Variants in WDR72 observed in about 807,000 individuals in gnomAD.
WDR72 encodes WD repeat-containing protein 72.
WDR72 carries 120 observed loss-of-function variants against 124.2 expected under a neutral mutation model. That is an observed-to-expected ratio of 0.97 (90% CI 0.83 to 1.12). The LOEUF (loss-of-function observed/expected upper bound fraction) is 1.12. Ranked by LOEUF, WDR72 falls within the 50% of genes most tolerant of loss-of-function variation. WDR72 has a pLI of 0.00. For missense variants in WDR72, 1,387 were observed against 1,278.8 expected, an observed-to-expected ratio of 1.08 and a Z score of -1.29; for synonymous variants, 452 against 441.7, an observed-to-expected ratio of 1.02 and a Z score of -0.29.
intron 14 of WDR72, among the ~76,000 whole-genome samples, chr15:53,635,304 C>T (rs916021463): frequency 1.3e-5 from 2 of 152,138 alleles, no homozygotes; most frequent in African/African-American, 4.8e-5. Context: ...ACAGCTTTTG[C>T]CTATATGACT....
At chr15:53,549,287 T>C (rs1893625536) in intron 18 of WDR72, among the ~76,000 whole-genome samples, 1 of 152,194 alleles carries the variant, frequency 6.6e-6, no homozygotes, top group Non-Finnish European at 1.5e-5. Context: ...GCTGGGCTGA[T>C]ACACAGTTCT....
At chr15:53,637,823 C>T (rs1322613174) in intron 14 of WDR72, among the ~76,000 whole-genome samples, 1 of 152,166 alleles carries the variant, frequency 6.6e-6, no homozygotes, top group Non-Finnish European at 1.5e-5. Flanking sequence ...TAGCCTTAGG[C>T]ATTCACAGAA....
intron 14 of WDR72, among the ~76,000 whole-genome samples, chr15:53,657,263 C>CAAAAAAAAAAAAAAAAAAAAAAA (rs10549551): frequency 8.9e-5 from 5 of 56,406 alleles, no homozygotes; most frequent in South Asian, 1.1e-3. Context: ...GACTCCATCT[C>CAAAAAAAAAAAAAAAAAAAAAAA]AAAAAAAAAA....
chr15:53,733,261 G>A, intron 1 of WDR72, 100 bp from the exon 2 acceptor site: 6 of 1,284,064 alleles, frequency 4.7e-6, no homozygotes, highest in Non-Finnish European at 6.6e-6. Flanking sequence ...AAACTTCAAT[G>A]ATGTGTTCTC....
chr15:53,537,052 G>A (rs1398291404), intron 18 of WDR72, among the ~76,000 whole-genome samples: 3 of 152,094 alleles, frequency 2.0e-5, no homozygotes, highest in South Asian at 2.1e-4. Context: ...GTGTAATTGC[G>A]GGTTACACAG....
At chr15:53,749,266 G>A (rs938000298) in intron 1 of WDR72, among the ~76,000 whole-genome samples, 23 of 152,124 alleles carry the variant, frequency 1.5e-4, no homozygotes, top group Non-Finnish European at 2.2e-4. Flanking sequence ...TCATGTCTCC[G>A]TATCACATTT....
intron 18 of WDR72, among the ~76,000 whole-genome samples, chr15:53,590,242 A>G (rs1441629206): frequency 6.6e-6 from 1 of 152,004 alleles, no homozygotes; most frequent in Non-Finnish European, 1.5e-5. Flanking sequence ...TTCAACTCGT[A>G]TGTGTATGCC....
chr15:53,732,363 G>C (rs1415701727), intron 2 of WDR72, among the ~76,000 whole-genome samples: 1 of 152,166 alleles, frequency 6.6e-6, no homozygotes, highest in African/African-American at 2.4e-5. Context: ...ATTGGGTCTA[G>C]AGACTGCTAG....
intron 9 of WDR72, among the ~76,000 whole-genome samples, chr15:53,710,118 C>G (rs1365825906): frequency 1.3e-5 from 2 of 152,178 alleles, no homozygotes; most frequent in Non-Finnish European, 2.9e-5. Context: ...TTTATATTCT[C>G]AACTCTCTGC....
intron 18 of WDR72, among the ~76,000 whole-genome samples, chr15:53,563,128 C>G (rs1894182044): frequency 6.6e-6 from 1 of 151,688 alleles, no homozygotes; most frequent in South Asian, 2.1e-4. Flanking sequence ...TTCCACGTAA[C>G]AAAATAGTAG....
chr15:53,586,258 A>G (rs2012209580), intron 18 of WDR72, among the ~76,000 whole-genome samples: 1 of 152,038 alleles, frequency 6.6e-6, no homozygotes, highest in African/African-American at 2.4e-5. Context: ...TACCTCATGT[A>G]TGTGAAAGTG....
chr15:53,743,130 G>A (rs2018552628), intron 1 of WDR72, among the ~76,000 whole-genome samples: 1 of 151,772 alleles, frequency 6.6e-6, no homozygotes, highest in Non-Finnish European at 1.5e-5. Flanking sequence ...TTGCATTTAT[G>A]TATATCCTAC....
At position 53,703,784 on chromosome 15, in the gene WDR72, A is replaced by G. The variant is rs914657612; in HGVS notation, c.1348+1204T>C. ...AAACCACAAACTCTCTTTATTCAAA[A>G]TGAAAATAAACATCAAATTATTATT... is the stretch of plus-strand genomic sequence containing the variant. On this transcript the variant is annotated intron_variant, in intron 11 of 19. Transcript: ENST00000360509. Among the ~76,000 whole-genome samples the G allele has an allele frequency of 2.6e-5, 4 of 152,132 alleles. No individual in the cohort carries two copies. The East Asian group carries it at 7.7e-4, about 29-fold the overall frequency.
chr15:53,644,218 C>T (rs1191864134), intron 14 of WDR72, among the ~76,000 whole-genome samples: 1 of 151,696 alleles, frequency 6.6e-6, no homozygotes, highest in African/African-American at 2.4e-5. Flanking sequence ...CATATACGAC[C>T]GGAAATGTGA....
chr15:53,724,200 T>C (rs184228981), intron 2 of WDR72, among the ~76,000 whole-genome samples: 113 of 152,294 alleles, frequency 7.4e-4, no homozygotes, highest in African/African-American at 2.6e-3. Flanking sequence ...AACACTGAAT[T>C]ACACATAAGT....
chr15:53,549,265 G>A (rs1167214787), intron 18 of WDR72, among the ~76,000 whole-genome samples: 4 of 152,162 alleles, frequency 2.6e-5, no homozygotes, highest in African/African-American at 7.2e-5. Flanking sequence ...AGTCGCATGT[G>A]ATGAATGTCA....
At chr15:53,714,669 C>T (rs186331417) in intron 5 of WDR72, among the ~76,000 whole-genome samples, 159 bp from the exon 6 acceptor site, 3 of 152,106 alleles carry the variant, frequency 2.0e-5, no homozygotes, top group African/African-American at 4.8e-5. Flanking sequence ...CATTTTACAT[C>T]GTGCTCCAAA....
At chr15:53,538,350 C>T (rs1416444059) in intron 18 of WDR72, among the ~76,000 whole-genome samples, 1 of 152,082 alleles carries the variant, frequency 6.6e-6, no homozygotes, top group Non-Finnish European at 1.5e-5. Context: ...TTGATTGCTG[C>T]TTTTTTCCTG....
At chr15:53,692,578 T>C (rs1159673544) in intron 13 of WDR72, among the ~76,000 whole-genome samples, 2 of 152,210 alleles carry the variant, frequency 1.3e-5, no homozygotes, top group African/African-American at 2.4e-5. Context: ...CCAGGGCTCA[T>C]GTACATAACT....
Sources: allele counts gnomAD v4.1 joint callset (sites outside exome capture counted in the v4.1 genomes callset), GRCh38; gene constraint gnomAD v4.1.1; transcripts MANE v1.5; gene names NCBI Gene and HGNC (gene_info 2026-07-23, HGNC 2026-07-21).